Variants in AXIN2 observed in about 807,000 individuals in gnomAD.
AXIN2 encodes the protein axin-2.
In AXIN2, 21 loss-of-function variants were observed where a neutral mutation model predicts 74.7. The ratio of observed to expected loss-of-function variants is 0.28; its 90% CI spans 0.20 to 0.40. The LOEUF is 0.40. Ranked by LOEUF, AXIN2 falls within the 10% of genes least tolerant of loss-of-function variation. The probability of loss-of-function intolerance (pLI) is 1.00; values close to 1 mark genes in which losing one functional copy is unlikely to be tolerated. For missense variants in AXIN2, 1,144 were observed against 1,111.1 expected, an observed-to-expected ratio of 1.03 and a Z score of -0.42; for synonymous variants, 532 against 454.9, an observed-to-expected ratio of 1.17 and a Z score of -2.16.
intron 3 of AXIN2, among the ~76,000 whole-genome samples, chr17:65,544,773 C>T (rs1004162729): frequency 4.6e-5 from 7 of 152,172 alleles, no homozygotes; most frequent in Non-Finnish European, 1.0e-4. Flanking sequence ...GTGTGGACTC[C>T]ACTTAGCTGC....
At chr17:65,544,371 G>GC (rs2044087363) in intron 3 of AXIN2, among the ~76,000 whole-genome samples, 1 of 89,760 alleles carries the variant, frequency 1.1e-5, no homozygotes, top group African/African-American at 4.2e-5. Context: ...CTCATACCCC[G>GC]CCCCCCATCC....
intron 3 of AXIN2, among the ~76,000 whole-genome samples, chr17:65,547,857 A>T (rs912505442): frequency 1.3e-5 from 2 of 152,238 alleles, no homozygotes; most frequent in African/African-American, 4.8e-5. Context: ...GAAACTTTTC[A>T]AAGGGGAAAG....
rs745968863 is a variant in AXIN2, at chr17:65,537,467, G to A, written c.1569C>T (p.Ala523=). ...CGATCTCCTCCTTGGTCTTGGGGAC[G>A]GCATGGTGGTGGATGTAGTGGTGGT... ...HVHHHYIHHH[A]VPKTKEEIEA... The change falls in exon 6 of 11, where the codon GCC becomes GCT. Residue 523 remains alanine, a synonymous_variant. Coordinates refer to ENST00000307078, the MANE Select transcript of AXIN2 (RefSeq NM_004655.4). 6 of 1,613,790 alleles carry A rather than the reference G, an allele frequency of 3.7e-6. No individual in the cohort carries two copies. The highest frequency in any genetic ancestry group is 1.7e-5 in the Admixed American group (1 of 59,992).
intron 5 of AXIN2, 21 bp downstream of exon 5, chr17:65,538,182 A>G: frequency 6.2e-7 from 1 of 1,614,068 alleles, no homozygotes; most frequent in Non-Finnish European, 8.5e-7. Context: ...GGAAGCAGGA[A>G]GAAGGCCTAG....
At chr17:65,536,699 C>A in intron 7 of AXIN2, 146 bp from the exon 8 acceptor site, 3 of 1,381,648 alleles carry the variant, frequency 2.2e-6, no homozygotes, top group Non-Finnish European at 3.1e-6. Context: ...GGGGTCAGTG[C>A]CAAAACATGA....
rs749148932 is a variant in AXIN2 at position 65,530,107 on chromosome 17, A to C, written c.2406-5T>G. The stretch of plus-strand genomic sequence containing the variant: ...CTTGCTTTTTTGAAGTAATACCTTA[A>C]AAGGAAAACCAAAAAAGCTTCTTGG... On this transcript the variant is annotated splice_region_variant and splice_polypyrimidine_tract_variant and intron_variant, in intron 10 of 10. Transcript: ENST00000307078. 2 of 1,614,140 alleles carry C rather than the reference A, an allele frequency of 1.2e-6. No homozygotes were observed. Among genetic ancestry groups the C allele is most frequent in the South Asian group, 2.2e-5 (2 of 91,086 alleles).
At chr17:65,538,405 G>C in intron 4 of AXIN2, 62 bp from the exon 5 acceptor site, 2 of 1,605,806 alleles carry the variant, frequency 1.2e-6, no homozygotes, top group Non-Finnish European at 1.7e-6. Context: ...GCGGTGGCTT[G>C]GCCGGAGCTT....
At chr17:65,539,558 T>C (rs1277724123) in intron 4 of AXIN2, among the ~76,000 whole-genome samples, 3 of 152,200 alleles carry the variant, frequency 2.0e-5, no homozygotes, top group Non-Finnish European at 4.4e-5. Context: ...TAGTATGTCA[T>C]CAATACTTGT....
At chr17:65,560,996 A>C (rs2044363005) in intron 1 of AXIN2, 4 of 145,670 alleles carry the variant, frequency 2.7e-5, no homozygotes, top group South Asian at 2.2e-4. Flanking sequence ...GGAAACAACA[A>C]TCCCGGGTTC....
chr17:65,532,809 T>A (rs913116930), intron 10 of AXIN2, among the ~76,000 whole-genome samples: 3 of 152,242 alleles, frequency 2.0e-5, no homozygotes, highest in Non-Finnish European at 4.4e-5. Context: ...GGGAATAGAC[T>A]GTGGTCCTGG....
intron 3 of AXIN2, among the ~76,000 whole-genome samples, chr17:65,545,941 T>G (rs2044111879): frequency 6.6e-6 from 1 of 152,084 alleles, no homozygotes; most frequent in Non-Finnish European, 1.5e-5. Flanking sequence ...CCCCCAGGAC[T>G]TAATTGGTTC....
intron 6 of AXIN2, 88 bp downstream of exon 6, chr17:65,537,236 T>G: frequency 6.3e-7 from 1 of 1,590,480 alleles, no homozygotes; most frequent in Non-Finnish European, 8.6e-7. Flanking sequence ...ACTAAATGCC[T>G]GTAATGCGGC....
At chr17:65,548,030 C>A (rs1218287160) in intron 3 of AXIN2, among the ~76,000 whole-genome samples, 2 of 152,086 alleles carry the variant, frequency 1.3e-5, no homozygotes, top group Admixed American at 1.3e-4. Context: ...ATATGTCCAC[C>A]AAAAAATTAT....
chr17:65,538,404 T>A (rs1261439141), intron 4 of AXIN2, 61 bp from the exon 5 acceptor site: 6 of 1,605,946 alleles, frequency 3.7e-6, no homozygotes, highest in Non-Finnish European at 5.1e-6. Context: ...GGCGGTGGCT[T>A]GGCCGGAGCT....
Position 65,529,865 on chromosome 17 carries a change from T to G in AXIN2, c.*111A>C. 6.3e-7 allele frequency: 1 copy of G among 1,586,260 alleles called. No individual in the cohort carries two copies. Among genetic ancestry groups the G allele is most frequent in the Non-Finnish European group, 8.6e-7 (1 of 1,162,054 alleles). On this transcript the variant is annotated 3_prime_UTR_variant, in exon 11 of 11. Coordinates refer to ENST00000307078, the MANE Select transcript of AXIN2 (RefSeq NM_004655.4). ...GGCCGATTCTTCCTTAGACTTTGTC[T>G]TCTTCATTGGTTTAATTTTCCTTCA...
At chr17:65,551,039 CTCAA>C (rs967233068) in intron 2 of AXIN2, among the ~76,000 whole-genome samples, 3 of 152,188 alleles carry the variant, frequency 2.0e-5, no homozygotes, top group African/African-American at 7.2e-5. Context: ...TCACGTGGCT[CTCAA>C]TCAAACTGCC....
intron 5 of AXIN2, 173 bp downstream of exon 5, chr17:65,538,030 C>A (rs1474576471): frequency 1.5e-6 from 2 of 1,362,182 alleles, no homozygotes; most frequent in Non-Finnish European, 1.0e-6. Context: ...ACACGCAACC[C>A]ATGCACATGC....
Position 65,556,037 on chromosome 17 carries a change from T to C in AXIN2, c.815+1769A>G, listed in dbSNP as rs189141699. ...GAAGGCAGCCCTGGAAAACAGGAGCTTCTGTCCCTGCCTTCTGGATCTCAA... is the reference window on the plus strand; with the variant it reads ...GAAGGCAGCCCTGGAAAACAGGAGCCTCTGTCCCTGCCTTCTGGATCTCAA... On this transcript the variant is annotated intron_variant, in intron 2 of 10. Transcript: ENST00000307078. Among the ~76,000 whole-genome samples the C allele has an allele frequency of 7.4e-4, 112 of 152,256 alleles. No homozygotes were observed. In the Middle Eastern group the frequency reaches 0.014, roughly 18 times the overall value.
chr17:65,543,630 GCCACTGCTGGACT>G (rs2044074029), intron 3 of AXIN2, among the ~76,000 whole-genome samples: 1 of 152,128 alleles, frequency 6.6e-6, no homozygotes. Flanking sequence ...TCATACCCAA[GCCACTGCTGGACT>G]CCAGAACAGG....
Sources: gnomAD v4.1 joint callset for allele counts (sites outside exome capture counted in the v4.1 genomes callset) on GRCh38, gnomAD v4.1.1 for gene constraint, MANE v1.5 for transcripts, NCBI Gene and HGNC (gene_info 2026-07-23, HGNC 2026-07-21) for gene names.